ZNF521: variants seen among roughly 807,000 people sequenced by gnomAD.
ZNF521 encodes the protein LYST-interacting protein 3.
In ZNF521, 14 loss-of-function variants were observed where a neutral mutation model predicts 105.5. The observed-to-expected ratio is 0.13, with a 90% confidence interval of 0.09 to 0.21. ZNF521 has a LOEUF of 0.21. Among genes scored for constraint, ZNF521 ranks in the 10% least tolerant of loss-of-function variants. The pLI is 1.00. For synonymous variants in ZNF521, 635 were observed against 606.0 expected (o/e 1.05, Z -0.70); for missense variants, 1,233 against 1,629.7 (o/e 0.76, Z 4.19).
chr18:25,316,066 A>T (rs1293259375), intron 3 of ZNF521, among the ~76,000 whole-genome samples: 1 of 152,164 alleles, frequency 6.6e-6, no homozygotes, highest in Non-Finnish European at 1.5e-5. Flanking sequence ...TTGTTCATCA[A>T]AAAGTCTTCA....
intron 5 of ZNF521, among the ~76,000 whole-genome samples, chr18:25,187,424 GTTTT>G (rs200409869): frequency 4.1e-5 from 6 of 146,026 alleles, no homozygotes; most frequent in African/African-American, 1.5e-4. Flanking sequence ...TTACCTCAGA[GTTTT>G]TTTTTTTTAA....
chr18:25,157,910 C>T (rs1181370599), intron 5 of ZNF521, among the ~76,000 whole-genome samples: 1 of 152,090 alleles, frequency 6.6e-6, no homozygotes, highest in East Asian at 1.9e-4. Flanking sequence ...TGCCACCATG[C>T]CCAGCTAATT....
intron 2 of ZNF521, among the ~76,000 whole-genome samples, chr18:25,338,991 C>T (rs1914050574): frequency 6.6e-6 from 1 of 152,100 alleles, no homozygotes; most frequent in Admixed American, 6.6e-5. Flanking sequence ...AGTTAACAGA[C>T]TTAGGTAATG....
At chr18:25,240,529 G>A (rs1343358413) in intron 3 of ZNF521, among the ~76,000 whole-genome samples, 1 of 152,132 alleles carries the variant, frequency 6.6e-6, no homozygotes, top group Non-Finnish European at 1.5e-5. Flanking sequence ...AGAAGCATAC[G>A]CAGCACGCAT....
intron 5 of ZNF521, among the ~76,000 whole-genome samples, chr18:25,157,091 C>T (rs1056487190): frequency 4.6e-5 from 7 of 152,078 alleles, no homozygotes; most frequent in African/African-American, 1.7e-4. Flanking sequence ...CCCAGCTACC[C>T]GGGGGCTGAG....
Position 25,343,626 on chromosome 18 carries a change from C to T in ZNF521, c.40+7281G>A, listed in dbSNP as rs116441480. ...TCAGATTGGGAGAGCTATGATCATG[C>T]GGGAATAGTATATATGCTTTCCAAA... On this transcript the variant is annotated intron_variant, in intron 2 of 7. Transcript: ENST00000361524. 8.7e-3 allele frequency among the ~76,000 whole-genome samples: 1,326 copies of T among 152,186 alleles called. 14 individuals are homozygous for T. The highest frequency in any genetic ancestry group is 0.031 in the African/African-American group (1,271 of 41,526).
intron 5 of ZNF521, among the ~76,000 whole-genome samples, chr18:25,149,155 G>C (rs747297844): frequency 6.6e-6 from 1 of 152,178 alleles, no homozygotes; most frequent in Non-Finnish European, 1.5e-5. Flanking sequence ...TAAGGCACAG[G>C]TCTTTGTCCA....
chr18:25,206,543 C>T (rs138522517), intron 4 of ZNF521, among the ~76,000 whole-genome samples: 130 of 152,024 alleles, frequency 8.6e-4, no homozygotes, highest in Admixed American at 2.7e-3. Flanking sequence ...TGTGTCTTAC[C>T]TACAAAATGT....
At chr18:25,247,130 C>CAA (rs1907776700) in intron 3 of ZNF521, among the ~76,000 whole-genome samples, 1 of 152,140 alleles carries the variant, frequency 6.6e-6, no homozygotes, top group Admixed American at 6.5e-5. Flanking sequence ...ACAGCAGATA[C>CAA]AAAGTTGACC....
At chr18:25,326,263 C>T (rs142778754) in intron 2 of ZNF521, among the ~76,000 whole-genome samples, 1 of 152,146 alleles carries the variant, frequency 6.6e-6, no homozygotes, top group African/African-American at 2.4e-5. Flanking sequence ...CTGATCAAAG[C>T]TAAAATGTCA....
chr18:25,192,592 T>C (rs1686861165), intron 5 of ZNF521, among the ~76,000 whole-genome samples: 1 of 151,934 alleles, frequency 6.6e-6, no homozygotes, highest in Non-Finnish European at 1.5e-5. Flanking sequence ...GCAAAAACAC[T>C]ATATACCCTC....
intron 4 of ZNF521, chr18:25,202,175 G>T (rs190041481): frequency 8.5e-5 from 13 of 152,206 alleles, no homozygotes; most frequent in African/African-American, 3.1e-4. Context: ...CAATTAACAA[G>T]GGTTAAACAA....
At chr18:25,216,868 A>G (rs1447331695) in intron 4 of ZNF521, among the ~76,000 whole-genome samples, 4 of 152,134 alleles carry the variant, frequency 2.6e-5, no homozygotes, top group Non-Finnish European at 5.9e-5. Context: ...GTGAACAAAT[A>G]ATGACATTTT....
intron 4 of ZNF521, among the ~76,000 whole-genome samples, chr18:25,222,540 C>T (rs565808701): frequency 1.4e-4 from 22 of 152,294 alleles, no homozygotes; most frequent in Middle Eastern, 3.4e-3. Flanking sequence ...TTAAAATGCA[C>T]AAGCAACACC....
chr18:25,074,430 T>C (rs867234990), intron 7 of ZNF521, among the ~76,000 whole-genome samples: 1 of 152,196 alleles, frequency 6.6e-6, no homozygotes, highest in Non-Finnish European at 1.5e-5. Flanking sequence ...TCTTTTTGCC[T>C]GTGTGCTTGC....
chr18:25,241,916 G>A (rs994191563), intron 3 of ZNF521, among the ~76,000 whole-genome samples: 3 of 152,030 alleles, frequency 2.0e-5, no homozygotes, highest in Non-Finnish European at 2.9e-5. Context: ...GAATGTATGC[G>A]TGCTTTTAAC....
intron 5 of ZNF521, among the ~76,000 whole-genome samples, chr18:25,148,702 A>G (rs1396383336): frequency 1.3e-5 from 2 of 152,146 alleles, no homozygotes; most frequent in Non-Finnish European, 2.9e-5. Flanking sequence ...AATTTCGGTC[A>G]TAGTCAGTGA....
At chr18:25,311,383 T>TAA (rs34665703) in intron 3 of ZNF521, among the ~76,000 whole-genome samples, 1,972 of 137,506 alleles carry the variant, frequency 0.014, 39 homozygotes, top group African/African-American at 0.046. Flanking sequence ...AGCAAAAATG[T>TAA]AAAAAAAAAA....
chr18:25,301,148 A>T lies in ZNF521; in HGVS notation c.220+20860T>A, dbSNP rs146685704. Among the ~76,000 whole-genome samples, 912 of 152,354 alleles carry T rather than the reference A, an allele frequency of 6.0e-3. 10 individuals are homozygous for T. The highest frequency in any genetic ancestry group is 0.021 in the African/African-American group (855 of 41,580). On this transcript the variant is annotated intron_variant, in intron 3 of 7. Coordinates refer to ENST00000361524, the MANE Select transcript of ZNF521 (RefSeq NM_015461.3). ...TGTTTCTGGAATATACACTGGGGATACATTAGAGATGTATTTAAATCTGGA... is the reference window on the plus strand; with the variant it reads ...TGTTTCTGGAATATACACTGGGGATTCATTAGAGATGTATTTAAATCTGGA...
Sources: allele counts gnomAD v4.1 joint callset (sites outside exome capture counted in the v4.1 genomes callset), GRCh38; gene constraint gnomAD v4.1.1; transcripts MANE v1.5; gene names NCBI Gene and HGNC (gene_info 2026-07-23, HGNC 2026-07-21).